Variants in CDCA7L observed in about 807,000 individuals in gnomAD.
CDCA7L encodes the protein cell division cycle associated 7 like, also known as cell division cycle-associated 7-like protein.
In CDCA7L, 44 loss-of-function variants were observed where a neutral mutation model predicts 57.4. The ratio of observed to expected loss-of-function variants is 0.77; its 90% CI spans 0.60 to 0.98. The LOEUF (loss-of-function observed/expected upper bound fraction) is 0.98, where lower values mean the gene tolerates loss of function less well. Among genes scored for constraint, CDCA7L ranks in the 50% least tolerant of loss-of-function variants. The probability of loss-of-function intolerance (pLI) is 0.00; values close to 1 mark genes in which losing one functional copy is unlikely to be tolerated. For missense variants in CDCA7L, 644 were observed against 580.6 expected (o/e 1.11, Z -1.12); for synonymous variants, 236 against 202.8 (o/e 1.16, Z -1.39).
chr7:21,911,158 T>G (rs1298734596), intron 3 of CDCA7L, among the ~76,000 whole-genome samples: 2 of 151,234 alleles, frequency 1.3e-5, no homozygotes, highest in Non-Finnish European at 2.9e-5. Flanking sequence ...GCCTCCCGAG[T>G]AGCTTGGATT....
At chr7:21,929,631 C>CAAAAGAAAAA in intron 1 of CDCA7L, among the ~76,000 whole-genome samples, 1 of 35,510 alleles carries the variant, frequency 2.8e-5, no homozygotes, top group Non-Finnish European at 4.5e-5. Flanking sequence ...AAATGGAAAG[C>CAAAAGAAAAA]AAAAAAAAAA....
At chr7:21,902,769 TGAAAAATCTAGCAAAGGA>T (rs1273428744) in intron 9 of CDCA7L, 191 bp downstream of exon 9, 4 of 544,742 alleles carry the variant, frequency 7.3e-6, no homozygotes, top group African/African-American at 1.9e-5. Context: ...GGAGTTGAGT[TGAAAAATCTAGCAAAGGA>T]GAAGATTCCC....
chr7:21,906,632 T>C lies in CDCA7L; in HGVS notation c.689A>G (p.Gln230Arg). 6.2e-7 allele frequency: 1 copy of C among 1,613,892 alleles called. No homozygotes were observed. The highest frequency in any genetic ancestry group is 8.5e-7 in the Non-Finnish European group (1 of 1,180,014). The change falls in exon 5 of 10, where the codon CAG (glutamine) becomes CGG (arginine). Residue 230 changes from glutamine (Q) to arginine (R), a missense_variant. Physicochemically the swap from Gln to Arg is conservative, Grantham distance 43 (BLOSUM62 1). Transcript: ENST00000406877. ...NIKENKAMLA[Q>R]LLAELNSMPD... ...CATCGAGTTCAATTCCGCCAATAAC[T>C]GGGCAAGCTGAAGTTCAGAACAAAA...
At chr7:21,914,243 G>C (rs909953280) in intron 2 of CDCA7L, among the ~76,000 whole-genome samples, 2 of 152,196 alleles carry the variant, frequency 1.3e-5, no homozygotes, top group Admixed American at 6.5e-5. Flanking sequence ...ACTGTATACA[G>C]TCAGGTGGGG....
chr7:21,934,358 G>T (rs925699463), intron 1 of CDCA7L, among the ~76,000 whole-genome samples: 2 of 152,080 alleles, frequency 1.3e-5, no homozygotes, highest in African/African-American at 4.8e-5. Flanking sequence ...AAACCAGATT[G>T]CTATAACTTT....
At chr7:21,904,837 G>A (rs1785087339) in intron 7 of CDCA7L, among the ~76,000 whole-genome samples, 1 of 152,192 alleles carries the variant, frequency 6.6e-6, no homozygotes, top group Non-Finnish European at 1.5e-5. Flanking sequence ...CAGAAGGAAT[G>A]AAATGATCAG....
At chr7:21,932,457 C>T (rs62445932) in intron 1 of CDCA7L, among the ~76,000 whole-genome samples, 24,369 of 151,922 alleles carry the variant, frequency 0.16, 3,156 homozygotes, top group African/African-American at 0.36. Context: ...AACAGATATA[C>T]AGACCAATGG....
At chr7:21,922,105 A>T (rs892652763) in intron 1 of CDCA7L, among the ~76,000 whole-genome samples, 11 of 152,276 alleles carry the variant, frequency 7.2e-5, no homozygotes, top group Admixed American at 7.2e-4. Context: ...TTACTAGGAA[A>T]ATACTAAGTC....
intron 1 of CDCA7L, among the ~76,000 whole-genome samples, chr7:21,943,685 T>C (rs1786416610): frequency 6.6e-6 from 1 of 151,090 alleles, no homozygotes; most frequent in Non-Finnish European, 1.5e-5. Flanking sequence ...GGAAAAACCA[T>C]CACACATCTT....
Position 21,902,180 on chromosome 7 carries a change from A to G in CDCA7L, c.*142T>C. 1.2e-6 allele frequency: 1 copy of G among 821,708 alleles called. No individual in the cohort carries two copies. The highest frequency in any genetic ancestry group is 2.0e-6 in the Non-Finnish European group (1 of 488,696). 50.9% of individuals were successfully genotyped at this position (821,708 alleles called of 1,614,324 possible). On this transcript the variant is annotated 3_prime_UTR_variant, in exon 10 of 10. Coordinates refer to ENST00000406877, the MANE Select transcript of CDCA7L (RefSeq NM_018719.5). ...AGAAATCTTTGTAAGCATATAAACA[A>G]TCTTTAACAAAAAATAGTAATTTCT... is the stretch of plus-strand genomic sequence containing the variant.
chr7:21,910,997 CTT>C (rs1324835639), intron 3 of CDCA7L, among the ~76,000 whole-genome samples: 2 of 119,122 alleles, frequency 1.7e-5, no homozygotes, highest in African/African-American at 3.2e-5. Context: ...TTAAGGAACT[CTT>C]GAGATAATTT....
chr7:21,915,656 AAAACAC>A (rs1214718229), intron 2 of CDCA7L, among the ~76,000 whole-genome samples: 4 of 110,372 alleles, frequency 3.6e-5, no homozygotes, highest in Middle Eastern at 4.5e-3. Context: ...AAAAAAAAAA[AAAACAC>A]ACACACACAC....
intron 7 of CDCA7L, 100 bp downstream of exon 7, chr7:21,905,406 G>A (rs750159283): frequency 6.8e-6 from 9 of 1,332,178 alleles, no homozygotes; most frequent in Middle Eastern, 2.5e-4. Context: ...CTGAGCCCTT[G>A]GTGAGATGGC....
intron 1 of CDCA7L, among the ~76,000 whole-genome samples, chr7:21,929,321 C>G (rs531166760): frequency 1.3e-5 from 2 of 152,008 alleles, no homozygotes; most frequent in African/African-American, 2.4e-5. Context: ...AACATGGAAA[C>G]GAAAAACTGG....
At chr7:21,927,137 C>T (rs1785854961) in intron 1 of CDCA7L, among the ~76,000 whole-genome samples, 1 of 152,108 alleles carries the variant, frequency 6.6e-6, no homozygotes, top group African/African-American at 2.4e-5. Flanking sequence ...AGAAGAAAAA[C>T]CTGGCCCATT....
At chr7:21,924,114 T>G (rs751329501) in intron 1 of CDCA7L, among the ~76,000 whole-genome samples, 1 of 152,234 alleles carries the variant, frequency 6.6e-6, no homozygotes, top group Non-Finnish European at 1.5e-5. Flanking sequence ...AAATTAAAGC[T>G]TTTCCATAAC....
chr7:21,925,887 G>GA (rs961649252), intron 1 of CDCA7L, among the ~76,000 whole-genome samples: 3 of 150,406 alleles, frequency 2.0e-5, no homozygotes, highest in African/African-American at 2.4e-5. Flanking sequence ...AATTAAAGAA[G>GA]AAAAAAAAAG....
chr7:21,933,912 A>G (rs1786089060), intron 1 of CDCA7L, among the ~76,000 whole-genome samples: 1 of 152,110 alleles, frequency 6.6e-6, no homozygotes, highest in African/African-American at 2.4e-5. Context: ...GAAAAAAACT[A>G]TCAAACAAGA....
intron 1 of CDCA7L, among the ~76,000 whole-genome samples, chr7:21,919,804 C>T (rs1785596896): frequency 6.6e-6 from 1 of 152,156 alleles, no homozygotes; most frequent in South Asian, 2.1e-4. Context: ...CAATATACTA[C>T]CAACAACAAA....
Sources: gnomAD v4.1 joint callset for allele counts (sites outside exome capture counted in the v4.1 genomes callset) on GRCh38, gnomAD v4.1.1 for gene constraint, MANE v1.5 for transcripts, NCBI Gene and HGNC (gene_info 2026-07-23, HGNC 2026-07-21) for gene names.